The following TAF4B variants were observed in gnomAD, a reference collection of about 807,000 sequenced individuals.
TAF4B encodes the protein transcription initiation factor TFIID subunit 4B.
A neutral mutation model predicts 86.4 loss-of-function variants in TAF4B; 38 were observed. That is an observed-to-expected ratio of 0.44 (90% CI 0.34 to 0.58). TAF4B has a LOEUF of 0.58. Among genes scored for constraint, TAF4B ranks in the 20% least tolerant of loss-of-function variants. The probability of loss-of-function intolerance (pLI) is 0.02; values close to 1 mark genes in which losing one functional copy is unlikely to be tolerated. For missense variants in TAF4B, 988 were observed against 1,027.6 expected (o/e 0.96, Z 0.53); for synonymous variants, 388 against 391.2 (o/e 0.99, Z 0.10).
chr18:26,293,111 C>CT lies in TAF4B; in HGVS notation c.1727-312dup, dbSNP rs149479084. Among the ~76,000 whole-genome samples the CT allele has an allele frequency of 5.2e-3, 788 of 152,184 alleles. 50 individuals carry two copies. The East Asian group carries it at 0.13, about 25-fold the overall frequency. ...TCAGTCTTACCAATGTCAGGTAGAGCTTTATGTATTTTTAAAAAATACCAA... is the reference window on the plus strand; with the variant it reads ...TCAGTCTTACCAATGTCAGGTAGAGCTTTTATGTATTTTTAAAAAATACCAA... On this transcript the variant is annotated intron_variant, in intron 8 of 14. Coordinates refer to ENST00000269142, the MANE Select transcript of TAF4B (RefSeq NM_005640.3).
intron 13 of TAF4B, among the ~76,000 whole-genome samples, chr18:26,349,233 GT>G (rs1336712414): frequency 1.3e-5 from 2 of 152,056 alleles, no homozygotes; most frequent in African/African-American, 4.8e-5. Flanking sequence ...CCAGTAGTTA[GT>G]TTTTCAACAG....
intron 14 of TAF4B, among the ~76,000 whole-genome samples, chr18:26,365,249 T>A (rs2057364289): frequency 6.6e-6 from 1 of 152,112 alleles, no homozygotes; most frequent in Admixed American, 6.5e-5. Flanking sequence ...TCAGGTGATC[T>A]GCCCTCCTCA....
chr18:26,267,669 T>TA lies in TAF4B; in HGVS notation c.597+53dup, dbSNP rs747247137. On this transcript the variant is annotated intron_variant, in intron 3 of 14. Coordinates refer to ENST00000269142, the MANE Select transcript of TAF4B (RefSeq NM_005640.3). ...GTGCACTTGTTGTTCTCTTAACTTT[T>TA]AAAAAAATCATTTAGCTATCTCCTG... is the stretch of plus-strand genomic sequence containing the variant. The TA allele has an allele frequency of 2.9e-6, 4 of 1,366,824 alleles. No individual in the cohort carries two copies. In the Admixed American group the frequency reaches 6.9e-5, roughly 24 times the overall value. The allele number at this position is 1,366,824 out of a possible 1,614,324, so 84.7% of individuals were successfully genotyped here.
rs1201872953 is a variant in TAF4B, at chr18:26,391,137, A to G, written c.*1125A>G. 3 of 152,004 alleles carry G rather than the reference A, an allele frequency of 2.0e-5. No individual in the cohort carries two copies. In the East Asian group the frequency reaches 5.8e-4, roughly 29 times the overall value. The allele number at this position is 152,004 out of a possible 1,614,324, so 9.4% of individuals were successfully genotyped here. Reference sequence around the variant, plus strand: ...CTGTCAATATCTCACTCTTGGGGATATGAGCTCTAAATATGAGAAGCAAGT... The same window carrying G: ...CTGTCAATATCTCACTCTTGGGGATGTGAGCTCTAAATATGAGAAGCAAGT... On this transcript the variant is annotated 3_prime_UTR_variant, in exon 15 of 15. Coordinates refer to ENST00000269142, the MANE Select transcript of TAF4B (RefSeq NM_005640.3).
At chr18:26,271,981 G>A (rs2056324912) in intron 3 of TAF4B, among the ~76,000 whole-genome samples, 1 of 141,898 alleles carries the variant, frequency 7.0e-6, no homozygotes, top group African/African-American at 2.5e-5. Flanking sequence ...AATTTATTAG[G>A]CGAAAAGAAA....
At chr18:26,294,649 ATACATATT>A (rs1320043597) in intron 9 of TAF4B, among the ~76,000 whole-genome samples, 3 of 126,554 alleles carry the variant, frequency 2.4e-5, no homozygotes, top group Non-Finnish European at 5.6e-5. Context: ...TATATGTATC[ATACATATT>A]TATTTATGAA....
intron 3 of TAF4B, among the ~76,000 whole-genome samples, chr18:26,272,902 C>A (rs2056339038): frequency 6.7e-6 from 1 of 148,544 alleles, no homozygotes; most frequent in African/African-American, 2.4e-5. Context: ...CTATATTTAA[C>A]AAAATTGTAC....
chr18:26,348,851 C>CTT (rs2057221721), intron 13 of TAF4B: 2 of 153,194 alleles, frequency 1.3e-5, no homozygotes, highest in African/African-American at 4.8e-5. Context: ...AGAACTTACA[C>CTT]TTGAGAGAAA....
intron 11 of TAF4B, among the ~76,000 whole-genome samples, chr18:26,326,583 T>G (rs2057006802): frequency 6.6e-6 from 1 of 152,176 alleles, no homozygotes; most frequent in African/African-American, 2.4e-5. Context: ...GTGAGGTGAT[T>G]GTTTCTTGCT....
chr18:26,228,624 CAA>C (rs11401538), intron 1 of TAF4B, among the ~76,000 whole-genome samples: 1 of 146,198 alleles, frequency 6.8e-6, no homozygotes, highest in Admixed American at 6.8e-5. Context: ...TATAAATAGT[CAA>C]AAAAAAAAAG....
chr18:26,271,401 A>G (rs1598744384), intron 3 of TAF4B, among the ~76,000 whole-genome samples: 1 of 152,346 alleles, frequency 6.6e-6, no homozygotes, highest in East Asian at 1.9e-4. Flanking sequence ...TGTTTCAGAC[A>G]GGTACAGAAA....
At chr18:26,313,507 A>G (rs1019174412) in intron 9 of TAF4B, among the ~76,000 whole-genome samples, 9 of 152,142 alleles carry the variant, frequency 5.9e-5, no homozygotes, top group African/African-American at 2.2e-4. Context: ...TTTGCTCTGC[A>G]TATTTCATTT....
chr18:26,361,408 AG>A (rs1259804059), intron 14 of TAF4B, among the ~76,000 whole-genome samples: 1 of 150,906 alleles, frequency 6.6e-6, no homozygotes, highest in Non-Finnish European at 1.5e-5. Flanking sequence ...TATAGGCATG[AG>A]CCACACTCTT....
chr18:26,250,769 T>C (rs2055994996), intron 1 of TAF4B, among the ~76,000 whole-genome samples: 1 of 152,028 alleles, frequency 6.6e-6, no homozygotes, highest in African/African-American at 2.4e-5. Flanking sequence ...CCAACAAATA[T>C]GGAAAGTAAA....
At chr18:26,281,608 G>A (rs946721044) in intron 5 of TAF4B, among the ~76,000 whole-genome samples, 3 of 152,062 alleles carry the variant, frequency 2.0e-5, no homozygotes, top group East Asian at 3.9e-4. Context: ...TAAACCCTAA[G>A]GTCTCCAAAC....
chr18:26,364,247 A>C (rs994668616), intron 14 of TAF4B, among the ~76,000 whole-genome samples: 1 of 152,198 alleles, frequency 6.6e-6, no homozygotes, highest in Non-Finnish European at 1.5e-5. Context: ...ATTTTGAATA[A>C]GATATTTATA....
At chr18:26,298,851 CTTTTTTTTTTTTT>C (rs56044910) in intron 9 of TAF4B, among the ~76,000 whole-genome samples, 2 of 46,568 alleles carry the variant, frequency 4.3e-5, no homozygotes, top group South Asian at 1.6e-3. Flanking sequence ...AGCCTATTGC[CTTTTTTTTTTTTT>C]TTTTTTTTTT....
At chr18:26,272,753 G>C (rs766907977) in intron 3 of TAF4B, among the ~76,000 whole-genome samples, 1 of 152,028 alleles carries the variant, frequency 6.6e-6, no homozygotes, top group Non-Finnish European at 1.5e-5. Context: ...AAAGAAAGAG[G>C]CTTATTTACT....
chr18:26,255,975 C>A, intron 1 of TAF4B: 1 of 1,316,102 alleles, frequency 7.6e-7, no homozygotes, highest in Non-Finnish European at 1.1e-6. Context: ...AGCTGGGAGG[C>A]ACTGGAGGTG....
Sources: allele counts gnomAD v4.1 joint callset (sites outside exome capture counted in the v4.1 genomes callset), GRCh38; gene constraint gnomAD v4.1.1; transcripts MANE v1.5; gene names NCBI Gene and HGNC (gene_info 2026-07-23, HGNC 2026-07-21).